STAC: variants seen among roughly 807,000 people sequenced by gnomAD.
STAC encodes SH3 and cysteine-rich domain-containing protein.
A neutral mutation model predicts 48.8 loss-of-function variants in STAC; 43 were observed. The observed-to-expected ratio is 0.88, with a 90% CI of 0.69 to 1.14. The LOEUF is 1.14. Among genes scored for constraint, STAC ranks in the 50% most tolerant of loss-of-function variants. STAC has a pLI of 0.00. For synonymous variants in STAC, 193 were observed against 179.5 expected, an observed-to-expected ratio of 1.07 and a Z score of -0.60; for missense variants, 497 against 504.0, an observed-to-expected ratio of 0.99 and a Z score of 0.13.
At chr3:36,444,430 C>T (rs1696447578) in intron 2 of STAC, among the ~76,000 whole-genome samples, 1 of 152,202 alleles carries the variant, frequency 6.6e-6, no homozygotes, top group Non-Finnish European at 1.5e-5. Flanking sequence ...GATCCAGACT[C>T]AGCTTTGTTA....
chr3:36,393,903 T>C (rs796150604), intron 1 of STAC, among the ~76,000 whole-genome samples: 3 of 151,906 alleles, frequency 2.0e-5, no homozygotes, highest in African/African-American at 7.2e-5. Context: ...TGTGAAAAAG[T>C]AAGTTTTGTT....
intron 1 of STAC, among the ~76,000 whole-genome samples, chr3:36,440,412 T>G (rs1280916135): frequency 6.6e-6 from 1 of 152,214 alleles, no homozygotes; most frequent in Non-Finnish European, 1.5e-5. Flanking sequence ...GACTCCCTTA[T>G]GCCTGCAGGA....
chr3:36,445,921 G>A (rs1559494391), intron 2 of STAC, among the ~76,000 whole-genome samples: 1 of 152,184 alleles, frequency 6.6e-6, no homozygotes, highest in Non-Finnish European at 1.5e-5. Flanking sequence ...TACACTCACA[G>A]TTCAGTTTAC....
intron 2 of STAC, among the ~76,000 whole-genome samples, chr3:36,446,600 T>C (rs1341567584): frequency 6.6e-6 from 1 of 152,222 alleles, no homozygotes; most frequent in African/African-American, 2.4e-5. Context: ...ATTAAATCTG[T>C]GTGATAATCT....
At position 36,486,960 on chromosome 3, in the gene STAC, G is replaced by A. The variant is rs186584380; in HGVS notation, c.687+711G>A. 8.7e-4 allele frequency among the ~76,000 whole-genome samples: 133 copies of A among 152,314 alleles called. No homozygotes were observed. In the East Asian group the frequency reaches 9.5e-3, roughly 11 times the overall value. Reference sequence around the variant, plus strand: ...GAGGCAAGGACCTTCCAGTTCACATGGCCACTTAGGATAGCCAGCTCCTAG... The same window carrying A: ...GAGGCAAGGACCTTCCAGTTCACATAGCCACTTAGGATAGCCAGCTCCTAG... On this transcript the variant is annotated intron_variant, in intron 5 of 10. Coordinates refer to ENST00000273183, the MANE Select transcript of STAC (RefSeq NM_003149.3).
chr3:36,429,799 C>T (rs761071058), intron 1 of STAC, among the ~76,000 whole-genome samples: 1 of 152,160 alleles, frequency 6.6e-6, no homozygotes, highest in African/African-American at 2.4e-5. Context: ...GGCTTGATAC[C>T]TTCACGTACC....
chr3:36,504,549 T>C (rs984946032), intron 7 of STAC, 92 bp downstream of exon 7: 12 of 1,037,076 alleles, frequency 1.2e-5, no homozygotes, highest in Non-Finnish European at 1.8e-5. Context: ...ATCAATTTAG[T>C]GAGTCCAGAC....
At chr3:36,510,945 T>A (rs1239580785) in intron 8 of STAC, among the ~76,000 whole-genome samples, 2 of 151,614 alleles carry the variant, frequency 1.3e-5, no homozygotes, top group Non-Finnish European at 1.5e-5. Context: ...ATCCCAGAAC[T>A]TAAAGTATAA....
intron 10 of STAC, among the ~76,000 whole-genome samples, chr3:36,539,901 CA>C (rs1229433120): frequency 1.2e-4 from 18 of 152,078 alleles, no homozygotes; most frequent in Non-Finnish European, 2.2e-4. Flanking sequence ...TCCTAACCTC[CA>C]AAACTTGGAA....
chr3:36,437,327 G>A (rs529903011), intron 1 of STAC, among the ~76,000 whole-genome samples: 4 of 151,656 alleles, frequency 2.6e-5, no homozygotes, highest in African/African-American at 9.7e-5. Flanking sequence ...ACATGCACAC[G>A]TATGTTTATT....
rs533033188 is a variant in STAC at position 36,384,053 on chromosome 3, C to T, written c.111+3299C>T. Reference sequence around the variant, plus strand: ...GTTTGAAAGCCACTGATGTATCATACCCTTCTATCTTCCCACTAACTATTT... The same window carrying T: ...GTTTGAAAGCCACTGATGTATCATATCCTTCTATCTTCCCACTAACTATTT... On this transcript the variant is annotated intron_variant, in intron 1 of 10. Coordinates refer to ENST00000273183, the MANE Select transcript of STAC (RefSeq NM_003149.3). 5.3e-5 allele frequency among the ~76,000 whole-genome samples: 8 copies of T among 152,276 alleles called. No homozygotes were observed. The East Asian group carries it at 1.5e-3, about 29-fold the overall frequency.
chr3:36,394,063 GTTGAGTA>G (rs1699805384), intron 1 of STAC, among the ~76,000 whole-genome samples: 2 of 152,146 alleles, frequency 1.3e-5, no homozygotes, highest in African/African-American at 4.8e-5. Flanking sequence ...GGTGCTTCTT[GTTGAGTA>G]AACAACAGGA....
chr3:36,533,905 T>C (rs76837315), intron 10 of STAC, among the ~76,000 whole-genome samples: 186 of 152,264 alleles, frequency 1.2e-3, no homozygotes, highest in African/African-American at 3.8e-3. Flanking sequence ...GTTTCTTATA[T>C]AGGCAAATTG....
intron 6 of STAC, among the ~76,000 whole-genome samples, chr3:36,500,473 T>C (rs992210124): frequency 4.6e-5 from 7 of 151,908 alleles, no homozygotes; most frequent in African/African-American, 1.7e-4. Context: ...GGGAGAGTAT[T>C]AGGAAAAATA....
intron 1 of STAC, among the ~76,000 whole-genome samples, chr3:36,404,852 G>A (rs1371053796): frequency 1.3e-5 from 2 of 151,940 alleles, no homozygotes; most frequent in Non-Finnish European, 2.9e-5. Context: ...AATTGTTTGT[G>A]TATAGAATAC....
chr3:36,438,779 T>C (rs984305238), intron 1 of STAC, among the ~76,000 whole-genome samples: 11 of 151,868 alleles, frequency 7.2e-5, no homozygotes, highest in Admixed American at 6.6e-4. Flanking sequence ...TGACGAAGGG[T>C]TTGAAAGGAG....
intron 4 of STAC, 186 bp from the exon 5 acceptor site, chr3:36,485,948 G>T (rs1697798373): frequency 3.6e-6 from 2 of 558,488 alleles, no homozygotes; most frequent in Non-Finnish European, 3.2e-6. Context: ...ACCTGCAAAT[G>T]GGAGCATGCT....
intron 6 of STAC, among the ~76,000 whole-genome samples, chr3:36,501,525 G>A (rs1381061084): frequency 6.6e-6 from 1 of 152,012 alleles, no homozygotes; most frequent in East Asian, 1.9e-4. Flanking sequence ...TCATGCCAAT[G>A]TACTTTAAAA....
chr3:36,518,271 G>T (rs1698721824), intron 8 of STAC, among the ~76,000 whole-genome samples: 1 of 152,116 alleles, frequency 6.6e-6, no homozygotes, highest in Admixed American at 6.5e-5. Flanking sequence ...GTAAATAAAA[G>T]ATTTAAAGGT....
Sources: allele counts gnomAD v4.1 joint callset (sites outside exome capture counted in the v4.1 genomes callset), GRCh38; gene constraint gnomAD v4.1.1; transcripts MANE v1.5; gene names NCBI Gene and HGNC (gene_info 2026-07-23, HGNC 2026-07-21).